CPA6: variants seen among roughly 807,000 people sequenced by gnomAD.
CPA6 encodes carboxypeptidase B.
A neutral mutation model predicts 63.3 loss-of-function variants in CPA6; 58 were observed. The ratio of observed to expected loss-of-function variants is 0.92; its 90% CI spans 0.74 to 1.14. The LOEUF is 1.14. Ranked by LOEUF, CPA6 falls within the 50% of genes most tolerant of loss-of-function variation. The pLI, the probability that CPA6 is intolerant of heterozygous loss-of-function variation, is 0.00. For synonymous variants in CPA6, 185 were observed against 179.0 expected (o/e 1.03, Z -0.27); for missense variants, 565 against 526.6 (o/e 1.07, Z -0.71).
At chr8:67,427,457 G>A (rs990692702) in intron 10 of CPA6, among the ~76,000 whole-genome samples, 4 of 152,232 alleles carry the variant, frequency 2.6e-5, no homozygotes, top group African/African-American at 9.6e-5. Context: ...TAACCTGCCT[G>A]GTGTCAATTT....
chr8:67,453,735 G>C (rs1176452309), intron 8 of CPA6, among the ~76,000 whole-genome samples: 1 of 152,144 alleles, frequency 6.6e-6, no homozygotes, highest in African/African-American at 2.4e-5. Context: ...TCCGATATGT[G>C]CTTATAATGC....
At chr8:67,680,697 T>C (rs1178741944) in intron 1 of CPA6, among the ~76,000 whole-genome samples, 4 of 152,154 alleles carry the variant, frequency 2.6e-5, no homozygotes, top group Non-Finnish European at 5.9e-5. Context: ...ACTCTGAATG[T>C]CTATTACCTC....
At chr8:67,426,813 A>C (rs1485854216) in intron 10 of CPA6, among the ~76,000 whole-genome samples, 2 of 152,228 alleles carry the variant, frequency 1.3e-5, no homozygotes, top group African/African-American at 2.4e-5. Context: ...TAGATTTTCC[A>C]AGTCATATAG....
chr8:67,624,873 T>G (rs1815161659), intron 1 of CPA6, among the ~76,000 whole-genome samples: 1 of 152,174 alleles, frequency 6.6e-6, no homozygotes, highest in Non-Finnish European at 1.5e-5. Context: ...TTTACAACTG[T>G]TACCAAAACA....
intron 1 of CPA6, among the ~76,000 whole-genome samples, chr8:67,725,981 C>T (rs550604352): frequency 3.5e-4 from 54 of 152,188 alleles, no homozygotes; most frequent in African/African-American, 1.1e-3. Context: ...CCCAGATTTG[C>T]GCTATGATCT....
intron 8 of CPA6, among the ~76,000 whole-genome samples, chr8:67,476,637 T>C (rs1432899275): frequency 4.6e-5 from 7 of 152,106 alleles, no homozygotes; most frequent in Non-Finnish European, 1.0e-4. Context: ...TCTTCTGCAG[T>C]TACACATTGT....
intron 8 of CPA6, among the ~76,000 whole-genome samples, chr8:67,471,841 G>A (rs1322037546): frequency 3.3e-5 from 5 of 152,042 alleles, no homozygotes; most frequent in Non-Finnish European, 7.4e-5. Context: ...TGAAAATAAG[G>A]AAAATATTTA....
chr8:67,638,563 G>A (rs893863650), intron 1 of CPA6, among the ~76,000 whole-genome samples: 1 of 151,540 alleles, frequency 6.6e-6, no homozygotes, highest in African/African-American at 2.4e-5. Flanking sequence ...TGGCTGCAAA[G>A]TGTTGCCTGC....
In CPA6 at chr8:67,594,183, C is replaced by A. The variant is rs560560727; in HGVS notation, c.192+29993G>T. Among the ~76,000 whole-genome samples the A allele has an allele frequency of 1.2e-4, 18 of 152,248 alleles. No homozygotes were observed. In the South Asian group the frequency reaches 3.7e-3, roughly 32 times the overall value. ...GATATGAAATTCTGGGTTGAAAATT[C>A]TTTTCTTTAAGAATGTTGAAGATTG... On this transcript the variant is annotated intron_variant, in intron 2 of 10. Transcript: ENST00000297770.
At chr8:67,576,621 C>T (rs1303315442) in intron 2 of CPA6, among the ~76,000 whole-genome samples, 1 of 152,158 alleles carries the variant, frequency 6.6e-6, no homozygotes, top group Non-Finnish European at 1.5e-5. Context: ...TGATGAGAAA[C>T]AAATCTTTTT....
chr8:67,515,277 A>G (rs968688770), intron 3 of CPA6, among the ~76,000 whole-genome samples: 1 of 152,088 alleles, frequency 6.6e-6, no homozygotes, highest in African/African-American at 2.4e-5. Context: ...TCATTAAGTC[A>G]CCACACTGCA....
chr8:67,443,806 C>T (rs1422192189), intron 8 of CPA6, among the ~76,000 whole-genome samples: 3 of 152,142 alleles, frequency 2.0e-5, no homozygotes, highest in Non-Finnish European at 4.4e-5. Flanking sequence ...TTACAACAAT[C>T]TGGGCCAGAG....
chr8:67,574,933 T>C (rs1484604348), intron 2 of CPA6, among the ~76,000 whole-genome samples: 7 of 151,734 alleles, frequency 4.6e-5, no homozygotes, highest in Admixed American at 2.0e-4. Flanking sequence ...AGAAAACAAT[T>C]AAGAGAGGGA....
chr8:67,536,087 A>T (rs539352391), intron 2 of CPA6, among the ~76,000 whole-genome samples: 1 of 151,378 alleles, frequency 6.6e-6, no homozygotes, highest in Non-Finnish European at 1.5e-5. Context: ...TACCAGTACC[A>T]TACTACTGTA....
intron 1 of CPA6, among the ~76,000 whole-genome samples, chr8:67,705,112 T>C (rs1249533395): frequency 6.6e-6 from 1 of 152,160 alleles, no homozygotes; most frequent in Non-Finnish European, 1.5e-5. Flanking sequence ...GTAACTGCCA[T>C]TGGTGTGGGA....
rs553339760 is a variant in CPA6, at chr8:67,601,504, A to C, written c.192+22672T>G. On this transcript the variant is annotated intron_variant, in intron 2 of 10. Transcript: ENST00000297770. ...CACACAGAATTGTTTTGGCAAAGCA[A>C]TGGTCATGGCTAATGGGAAATGATC... 2.0e-5 allele frequency among the ~76,000 whole-genome samples: 3 copies of C among 152,286 alleles called. No homozygotes were observed. In the East Asian group the frequency reaches 5.8e-4, roughly 29 times the overall value.
intron 10 of CPA6, among the ~76,000 whole-genome samples, chr8:67,427,223 T>A (rs1215218859): frequency 6.6e-6 from 1 of 152,226 alleles, no homozygotes; most frequent in Non-Finnish European, 1.5e-5. Flanking sequence ...GCAACCCTTA[T>A]CTTCCATTGG....
At chr8:67,483,585 AAAAGAATCCTTTCATTTTCTT>A in intron 8 of CPA6, 162 bp downstream of exon 8, 1 of 603,966 alleles carries the variant, frequency 1.7e-6, no homozygotes, top group Non-Finnish European at 3.0e-6. Flanking sequence ...TATATATTAA[AAAAGAATCCTTTCATTTTCTT>A]TTGCCAATTA....
intron 2 of CPA6, among the ~76,000 whole-genome samples, chr8:67,616,347 G>T (rs1460352218): frequency 6.6e-6 from 1 of 152,098 alleles, no homozygotes; most frequent in Non-Finnish European, 1.5e-5. Context: ...GAACAAATAG[G>T]AACCATGTGT....
Sources: allele counts gnomAD v4.1 joint callset (sites outside exome capture counted in the v4.1 genomes callset), GRCh38; gene constraint gnomAD v4.1.1; transcripts MANE v1.5; gene names NCBI Gene and HGNC (gene_info 2026-07-23, HGNC 2026-07-21).